Variants in INTS12 observed in about 807,000 individuals in gnomAD.
INTS12 encodes PHD finger protein 22.
Under a neutral mutation model 41.6 loss-of-function variants are expected in INTS12, and 13 were observed. The ratio of observed to expected loss-of-function variants is 0.31; its 90% CI spans 0.20 to 0.50. The LOEUF is 0.50. Ranked by LOEUF, INTS12 falls within the 20% of genes least tolerant of loss-of-function variation. The pLI is 0.98. For synonymous variants in INTS12, 199 were observed against 191.4 expected (o/e 1.04, Z -0.33); for missense variants, 432 against 541.6 (o/e 0.80, Z 2.01).
chr4:105,687,232 T>G (rs1156477762), intron 6 of INTS12, among the ~76,000 whole-genome samples: 1 of 152,214 alleles, frequency 6.6e-6, no homozygotes, highest in Non-Finnish European at 1.5e-5. Context: ...GGTCTAGGCA[T>G]AAGTCGACTC....
chr4:105,697,536 T>A (rs1301250656), intron 3 of INTS12, among the ~76,000 whole-genome samples: 1 of 152,100 alleles, frequency 6.6e-6, no homozygotes, highest in East Asian at 1.9e-4. Context: ...CTATAAATAG[T>A]TTTTTATAAA....
At chr4:105,700,744 CAG>C (rs1732041638) in intron 2 of INTS12, among the ~76,000 whole-genome samples, 1 of 151,214 alleles carries the variant, frequency 6.6e-6, no homozygotes, top group South Asian at 2.1e-4. Flanking sequence ...CACACACACA[CAG>C]AGCCTATGAT....
intron 6 of INTS12, among the ~76,000 whole-genome samples, chr4:105,688,105 T>C (rs1731557516): frequency 6.6e-6 from 1 of 152,236 alleles, no homozygotes. Flanking sequence ...TGAATTATGA[T>C]TATGTAAGAG....
chr4:105,707,354 C>A (rs1157846222), intron 1 of INTS12, among the ~76,000 whole-genome samples: 2 of 150,546 alleles, frequency 1.3e-5, no homozygotes, highest in Non-Finnish European at 3.0e-5. Context: ...ATGTCCCCTA[C>A]AAAACTCTGA....
intron 6 of INTS12, among the ~76,000 whole-genome samples, chr4:105,690,449 T>A (rs1173723234): frequency 1.4e-5 from 2 of 148,038 alleles, no homozygotes; most frequent in Non-Finnish European, 3.0e-5. Flanking sequence ...AATGAATAGA[T>A]TTCAGAGACA....
Position 105,682,914 on chromosome 4 carries a change from C to G in INTS12, c.1208G>C (p.Gly403Ala), listed in dbSNP as rs1266784685. The G allele has an allele frequency of 6.2e-7, 1 of 1,613,970 alleles. No individual in the cohort carries two copies. Among genetic ancestry groups the G allele is most frequent in the Non-Finnish European group, 8.5e-7 (1 of 1,179,974 alleles). The change falls in exon 8 of 8, where the codon GGG (glycine) becomes GCG (alanine). Residue 403 changes from glycine (G) to alanine (A), a missense_variant. Transcript: ENST00000340139. ...LVPGSSSQLSGNGNSGTSGPS... is the reference protein window; with the variant it reads ...LVPGSSSQLSANGNSGTSGPS... The stretch of plus-strand genomic sequence containing the variant: ...TCCTGATGTTCCACTATTTCCATTC[C>G]CACTTAGTTGGCTGCTGCTTCCTGG...
intron 2 of INTS12, among the ~76,000 whole-genome samples, 178 bp downstream of exon 2, chr4:105,703,470 T>C (rs1473710204): frequency 2.0e-5 from 3 of 152,152 alleles, no homozygotes; most frequent in Non-Finnish European, 4.4e-5. Flanking sequence ...TTTATTGCAG[T>C]ATGCCGTTTA....
intron 7 of INTS12, 147 bp from the exon 8 acceptor site, chr4:105,683,464 T>C: frequency 1.5e-6 from 1 of 652,518 alleles, no homozygotes; most frequent in Non-Finnish European, 2.5e-6. Flanking sequence ...AGAACAAAAC[T>C]TATCTGTATC....
intron 4 of INTS12, among the ~76,000 whole-genome samples, chr4:105,694,987 CGA>C (rs1731809474): frequency 6.6e-6 from 1 of 151,866 alleles, no homozygotes; most frequent in African/African-American, 2.4e-5. Flanking sequence ...TGCAGTGGCA[CGA>C]TCACCGCTCA....
At chr4:105,704,474 G>A (rs1732194565) in intron 1 of INTS12, among the ~76,000 whole-genome samples, 1 of 152,244 alleles carries the variant, frequency 6.6e-6, no homozygotes, top group African/African-American at 2.4e-5. Flanking sequence ...AACTCTGGGA[G>A]TAGGGTCTAG....
chr4:105,698,661 C>A (rs978012776), intron 3 of INTS12, among the ~76,000 whole-genome samples: 6 of 152,150 alleles, frequency 3.9e-5, no homozygotes, highest in African/African-American at 1.4e-4. Context: ...TTTGGTCGAT[C>A]TGAACTCACT....
In INTS12 at chr4:105,682,658, T is replaced by G; in HGVS notation, c.*75A>C. 2 of 1,046,600 alleles carry G rather than the reference T, an allele frequency of 1.9e-6. No homozygotes were observed. Among genetic ancestry groups the G allele is most frequent in the Non-Finnish European group, 2.9e-6 (2 of 699,998 alleles). 64.8% of individuals were successfully genotyped at this position (1,046,600 alleles called of 1,614,324 possible). A position where few individuals can be genotyped will look rare whatever the true frequency, so the allele number is the denominator to read the frequency against. On this transcript the variant is annotated 3_prime_UTR_variant, in exon 8 of 8. Transcript: ENST00000340139. The stretch of plus-strand genomic sequence containing the variant: ...TATGAAGACTTTTATTAAATTACAG[T>G]GTATTACAGATTATATCATAATAAT...
Position 105,686,684 on chromosome 4 carries a change from T to C in INTS12, c.804+8A>G, listed in dbSNP as rs1731508643. The C allele has an allele frequency of 6.3e-7, 1 of 1,596,044 alleles. No individual in the cohort carries two copies. The highest frequency in any genetic ancestry group is 1.1e-5 in the South Asian group (1 of 88,330). On this transcript the variant is annotated splice_region_variant and intron_variant, in intron 7 of 7. Coordinates refer to ENST00000340139, the MANE Select transcript of INTS12 (RefSeq NM_020395.4). ...TATAATCTTAGATAAAAATAGAATC[T>C]ACTATACCTTGACTTCTGTTCTCTT...
chr4:105,704,014 C>CTT (rs561167754), intron 1 of INTS12, among the ~76,000 whole-genome samples: 4 of 144,118 alleles, frequency 2.8e-5, no homozygotes, highest in Non-Finnish European at 6.1e-5. Flanking sequence ...CCCATATCTT[C>CTT]TTTTTTTTTT....
intron 3 of INTS12, among the ~76,000 whole-genome samples, chr4:105,697,582 TATA>T (rs966681447): frequency 4.6e-5 from 7 of 152,314 alleles, no homozygotes; most frequent in Admixed American, 4.6e-4. Context: ...CCATTCATTT[TATA>T]ATGTATGGCT....
chr4:105,685,735 T>C (rs1731477851), intron 7 of INTS12, among the ~76,000 whole-genome samples: 1 of 152,138 alleles, frequency 6.6e-6, no homozygotes, highest in Non-Finnish European at 1.5e-5. Flanking sequence ...GTAAAAGTAT[T>C]CTTTTTGTTA....
chr4:105,704,696 TA>T (rs992099744), intron 1 of INTS12, among the ~76,000 whole-genome samples: 1 of 152,226 alleles, frequency 6.6e-6, no homozygotes, highest in African/African-American at 2.4e-5. Context: ...ACTCATACAC[TA>T]TTCCCTTTTC....
At chr4:105,700,099 A>G in intron 2 of INTS12, 85 bp from the exon 3 acceptor site, 2 of 877,762 alleles carry the variant, frequency 2.3e-6, no homozygotes, top group South Asian at 5.5e-5. Context: ...TTTAATTTGT[A>G]ATAGATAATA....
intron 6 of INTS12, among the ~76,000 whole-genome samples, chr4:105,689,975 A>G (rs1027133959): frequency 6.6e-6 from 1 of 152,236 alleles, no homozygotes; most frequent in African/African-American, 2.4e-5. Flanking sequence ...GAATGTGTCC[A>G]GTCTTGAGCT....
Sources: allele counts gnomAD v4.1 joint callset (sites outside exome capture counted in the v4.1 genomes callset), GRCh38; gene constraint gnomAD v4.1.1; transcripts MANE v1.5; gene names NCBI Gene and HGNC (gene_info 2026-07-23, HGNC 2026-07-21).